CD274: variants seen among roughly 807,000 people sequenced by gnomAD.
CD274 encodes the protein CD274 molecule, also known as programmed cell death 1 ligand 1.
CD274 carries 8 observed loss-of-function variants against 30.1 expected under a neutral mutation model. The observed-to-expected ratio is 0.27, with a 90% confidence interval of 0.16 to 0.48. CD274 has a LOEUF of 0.48. Among genes scored for constraint, CD274 ranks in the 20% least tolerant of loss-of-function variants. The probability of loss-of-function intolerance (pLI) is 0.99; values close to 1 mark genes in which losing one functional copy is unlikely to be tolerated. For missense variants in CD274, 353 were observed against 346.6 expected (o/e 1.02, Z -0.15); for synonymous variants, 152 against 124.6 (o/e 1.22, Z -1.46).
chr9:5,464,381 C>A (rs978680363), intron 4 of CD274, among the ~76,000 whole-genome samples: 1 of 152,022 alleles, frequency 6.6e-6, no homozygotes, highest in Non-Finnish European at 1.5e-5. Context: ...ATAAAACATA[C>A]GTGAACAGGC....
In CD274 at chr9:5,470,217, G is replaced by C. The variant is rs1201584216; in HGVS notation, c.*2355G>C. 1 of 232,680 alleles carries C rather than the reference G, an allele frequency of 4.3e-6. No homozygotes were observed. Among genetic ancestry groups the C allele is most frequent in the African/African-American group, 2.2e-5 (1 of 45,302 alleles). 14.4% of individuals were successfully genotyped at this position (232,680 alleles called of 1,614,324 possible). A position where few individuals can be genotyped will look rare whatever the true frequency, so the allele number is the denominator to read the frequency against. On this transcript the variant is annotated 3_prime_UTR_variant, in exon 7 of 7. Coordinates refer to ENST00000381577, the MANE Select transcript of CD274 (RefSeq NM_014143.4). ...ACAGAGCTCCTTGTGTTATCTGTTT[G>C]TACATGTGCATTTGTACAGTAATTG... is the stretch of plus-strand genomic sequence containing the variant.
At chr9:5,453,201 G>A (rs1227635793) in intron 1 of CD274, among the ~76,000 whole-genome samples, 1 of 151,974 alleles carries the variant, frequency 6.6e-6, no homozygotes, top group African/African-American at 2.4e-5. Flanking sequence ...ACCTAACACT[G>A]GCAAGAGGAT....
At position 5,457,342 on chromosome 9, in the gene CD274, T is replaced by C. The variant is rs1819324742; in HGVS notation, c.316T>C (p.Leu106=). 10 of 1,614,128 alleles carry C rather than the reference T, an allele frequency of 6.2e-6. No homozygotes were observed. Among genetic ancestry groups the C allele is most frequent in the Non-Finnish European group, 8.5e-6 (10 of 1,179,992 alleles). Residue 106 remains leucine, a synonymous_variant, in exon 3 of 7, where the codon TTG becomes CTG. Coordinates refer to ENST00000381577, the MANE Select transcript of CD274 (RefSeq NM_014143.4). ...TGCACTTCAGATCACAGATGTGAAA[T>C]TGCAGGATGCAGGGGTGTACCGCTG... ...NAALQITDVK[L]QDAGVYRCMI... is the part of the protein sequence containing the mutation.
chr9:5,465,790 G>A, intron 5 of CD274, 184 bp downstream of exon 5: 1 of 487,050 alleles, frequency 2.1e-6, no homozygotes, highest in Non-Finnish European at 3.7e-6. Flanking sequence ...AGGGGTGAGG[G>A]GCAGGAGAAT....
rs1352721979 is a variant in CD274 at position 5,462,623 on chromosome 9, A to C, written c.395-211A>C. Among the ~76,000 whole-genome samples, 3 of 152,354 alleles carry C rather than the reference A, an allele frequency of 2.0e-5. No individual in the cohort carries two copies. The East Asian group carries it at 5.8e-4, about 29-fold the overall frequency. On this transcript the variant is annotated intron_variant, in intron 3 of 6. Coordinates refer to ENST00000381577, the MANE Select transcript of CD274 (RefSeq NM_014143.4). ...ACCAACATGATTTTTATAGAAAGAT[A>C]GTCATTCCTATTAATCCAAACTTGT...
chr9:5,469,910 G>A lies in CD274; in HGVS notation c.*2048G>A, dbSNP rs1028166230. The A allele has an allele frequency of 7.7e-5, 18 of 233,042 alleles. No individual in the cohort carries two copies. Among genetic ancestry groups the A allele is most frequent in the Non-Finnish European group, 1.5e-4 (18 of 117,964 alleles). 14.4% of individuals were successfully genotyped at this position (233,042 alleles called of 1,614,324 possible). ...TGTCAAGTATAAACTTCACTTTGATGCTGTACTTGCAAAATCACATTTTCT... is the reference window on the plus strand; with the variant it reads ...TGTCAAGTATAAACTTCACTTTGATACTGTACTTGCAAAATCACATTTTCT... On this transcript the variant is annotated 3_prime_UTR_variant, in exon 7 of 7. Coordinates refer to ENST00000381577, the MANE Select transcript of CD274 (RefSeq NM_014143.4).
chr9:5,457,297 C>G lies in CD274; in HGVS notation c.271C>G (p.Gln91Glu), dbSNP rs2131212321. Residue 91 changes from glutamine (Q) to glutamate (E), a missense_variant, in exon 3 of 7, where the codon CAG (glutamine) becomes GAG (glutamate). Physicochemically the swap from Gln to Glu is conservative, Grantham distance 29. Coordinates refer to ENST00000381577, the MANE Select transcript of CD274 (RefSeq NM_014143.4). ...ACAGAGGGCCCGGCTGTTGAAGGAC[C>G]AGCTCTCCCTGGGAAATGCTGCACT... Reference protein sequence around the residue: ...YRQRARLLKDQLSLGNAALQI... With the variant: ...YRQRARLLKDELSLGNAALQI... 1 of 1,614,040 alleles carries G rather than the reference C, an allele frequency of 6.2e-7. No individual in the cohort carries two copies. Among genetic ancestry groups the G allele is most frequent in the Non-Finnish European group, 8.5e-7 (1 of 1,179,976 alleles).
rs1819535389 is a variant in CD274, at chr9:5,468,565, C to T, written c.*703C>T. The T allele has an allele frequency of 2.6e-5, 6 of 232,974 alleles. No homozygotes were observed. In the South Asian group the frequency reaches 9.0e-4, roughly 35 times the overall value. The allele number at this position is 232,974 out of a possible 1,614,324, so 14.4% of individuals were successfully genotyped here. A position where few individuals can be genotyped will look rare whatever the true frequency, so the allele number is the denominator to read the frequency against. Reference sequence around the variant, plus strand: ...TGCATAGGATGTCACCTTTATTTAACCCATTAATACTCTGGTTGACCTAAT... The same window carrying T: ...TGCATAGGATGTCACCTTTATTTAATCCATTAATACTCTGGTTGACCTAAT... On this transcript the variant is annotated 3_prime_UTR_variant, in exon 7 of 7. Coordinates refer to ENST00000381577, the MANE Select transcript of CD274 (RefSeq NM_014143.4).
rs1453447442 is a variant in CD274 at position 5,469,138 on chromosome 9, T to A, written c.*1276T>A. ...CTTAATAATCAGAGTAATTTTCATT[T>A]ACAAAGAGAGGTCGGTACTTAAAAT... On this transcript the variant is annotated 3_prime_UTR_variant, in exon 7 of 7. Coordinates refer to ENST00000381577, the MANE Select transcript of CD274 (RefSeq NM_014143.4). 1 of 233,146 alleles carries A rather than the reference T, an allele frequency of 4.3e-6. No homozygotes were observed. Among genetic ancestry groups the A allele is most frequent in the African/African-American group, 2.2e-5 (1 of 45,452 alleles). The allele number at this position is 233,146 out of a possible 1,614,324, so 14.4% of individuals were successfully genotyped here.
At chr9:5,452,480 T>C (rs779004341) in intron 1 of CD274, among the ~76,000 whole-genome samples, 5 of 152,252 alleles carry the variant, frequency 3.3e-5, no homozygotes, top group Non-Finnish European at 7.3e-5. Context: ...TCATTGCTCT[T>C]TAAATGTCTC....
rs905982602 is a variant in CD274 at position 5,450,567 on chromosome 9, C to T, written c.-44C>T. 2 of 152,324 alleles carry T rather than the reference C, an allele frequency of 1.3e-5. No homozygotes were observed. The highest frequency in any genetic ancestry group is 4.8e-5 in the African/African-American group (2 of 41,472). 9.4% of individuals were successfully genotyped at this position (152,324 alleles called of 1,614,324 possible). On this transcript the variant is annotated 5_prime_UTR_variant, in exon 1 of 7. Transcript: ENST00000381577. ...AGTTCTGCGCAGCTTCCCGAGGCTC[C>T]GCACCAGCCGCGCTTCTGTCCGCCT...
At chr9:5,458,492 GA>G (rs1221611109) in intron 3 of CD274, among the ~76,000 whole-genome samples, 1 of 152,116 alleles carries the variant, frequency 6.6e-6, no homozygotes, top group African/African-American at 2.4e-5. Flanking sequence ...TATTTGACTA[GA>G]ATTAAATCAT....
chr9:5,468,969 TGAG>T lies in CD274; in HGVS notation c.*1111_*1113del, dbSNP rs1161122196. ...TGTCCTCAAGGAGCTCATAGTATAA[TGAG>T]GAGATTAACAAGAAAATGTATTATT... On this transcript the variant is annotated 3_prime_UTR_variant, in exon 7 of 7. Transcript: ENST00000381577. 1 of 232,996 alleles carries T rather than the reference TGAG, an allele frequency of 4.3e-6. No individual in the cohort carries two copies. The highest frequency in any genetic ancestry group is 2.2e-5 in the African/African-American group (1 of 45,336). The allele number at this position is 232,996 out of a possible 1,614,324, so 14.4% of individuals were successfully genotyped here.
chr9:5,454,719 G>A (rs188730104), intron 1 of CD274, among the ~76,000 whole-genome samples: 2 of 152,004 alleles, frequency 1.3e-5, no homozygotes, highest in South Asian at 2.1e-4. Context: ...CCGCATTTAC[G>A]ATTGTAATAG....
At chr9:5,457,555 A>T in intron 3 of CD274, 135 bp downstream of exon 3, 1 of 702,576 alleles carries the variant, frequency 1.4e-6, no homozygotes, top group Non-Finnish European at 2.3e-6. Flanking sequence ...CATTCAATTC[A>T]TGAATTCATT....
At chr9:5,460,312 C>CTACTA (rs1819381928) in intron 3 of CD274, among the ~76,000 whole-genome samples, 1 of 152,148 alleles carries the variant, frequency 6.6e-6, no homozygotes, top group Admixed American at 6.5e-5. Flanking sequence ...TCTGCTACTG[C>CTACTA]TACTATCGAG....
At chr9:5,464,083 G>T (rs1311990573) in intron 4 of CD274, among the ~76,000 whole-genome samples, 1 of 152,108 alleles carries the variant, frequency 6.6e-6, no homozygotes. Context: ...CAATCAATAG[G>T]AAAAGATAAT....
chr9:5,450,719 G>C (rs1461179789), intron 1 of CD274, 123 bp downstream of exon 1: 5 of 152,468 alleles, frequency 3.3e-5, no homozygotes, highest in African/African-American at 1.2e-4. Flanking sequence ...AAGGGAAAGG[G>C]AACGCGATGG....
intron 4 of CD274, among the ~76,000 whole-genome samples, chr9:5,465,123 T>C (rs1819475211): frequency 6.7e-6 from 1 of 149,118 alleles, no homozygotes; most frequent in Non-Finnish European, 1.5e-5. Flanking sequence ...AGTGAAATAA[T>C]CAAGGCCGCC....
Sources: allele counts gnomAD v4.1 joint callset (sites outside exome capture counted in the v4.1 genomes callset), GRCh38; gene constraint gnomAD v4.1.1; transcripts MANE v1.5; gene names NCBI Gene and HGNC (gene_info 2026-07-23, HGNC 2026-07-21).